CENPF: variants seen among roughly 807,000 people sequenced by gnomAD.
The protein encoded by CENPF is AH antigen.
In CENPF, 214 loss-of-function variants were observed where a neutral mutation model predicts 307.3. The observed-to-expected ratio is 0.70, with a 90% confidence interval of 0.62 to 0.78. The LOEUF is 0.78. Ranked by LOEUF, CENPF falls within the 30% of genes least tolerant of loss-of-function variation. CENPF has a pLI of 0.00. For synonymous variants in CENPF, 1,259 were observed against 1,270.6 expected (o/e 0.99, Z 0.19); for missense variants, 3,401 against 3,483.9 (o/e 0.98, Z 0.60).
intron 10 of CENPF, among the ~76,000 whole-genome samples, chr1:214,637,090 C>T (rs1657983825): frequency 1.3e-5 from 2 of 152,158 alleles, no homozygotes; most frequent in South Asian, 2.1e-4. Context: ...CATGCTGTTG[C>T]GTGGATGTCT....
intron 6 of CENPF, 67 bp from the exon 7 acceptor site, chr1:214,622,009 AATG>A: frequency 8.2e-7 from 1 of 1,220,702 alleles, no homozygotes; most frequent in Non-Finnish European, 1.2e-6. Flanking sequence ...GAATAAAACA[AATG>A]ATAAGTTATG....
intron 10 of CENPF, among the ~76,000 whole-genome samples, chr1:214,634,030 C>T (rs1366934458): frequency 6.6e-6 from 1 of 152,176 alleles, no homozygotes; most frequent in South Asian, 2.1e-4. Flanking sequence ...TTGGCCAAGT[C>T]GCAGTAGTGG....
intron 7 of CENPF, among the ~76,000 whole-genome samples, chr1:214,626,539 G>A (rs1055611451): frequency 7.9e-5 from 12 of 152,178 alleles, no homozygotes; most frequent in African/African-American, 2.4e-4. Flanking sequence ...TTTGATCCAT[G>A]CATTTAATAT....
At chr1:214,652,556 G>T (rs1331228313) in intron 15 of CENPF, among the ~76,000 whole-genome samples, 1 of 145,352 alleles carries the variant, frequency 6.9e-6, no homozygotes, top group Non-Finnish European at 1.5e-5. Flanking sequence ...CAATTCTCCT[G>T]TCTCAGCCTC....
intron 6 of CENPF, 35 bp downstream of exon 6, chr1:214,620,981 T>C (rs1419722687): frequency 6.4e-7 from 1 of 1,552,216 alleles, no homozygotes; most frequent in Admixed American, 2.0e-5. Flanking sequence ...AAATTCACTT[T>C]GCTTGAGGTA....
Position 214,622,198 on chromosome 1 carries a change from T to A in CENPF, c.985T>A (p.Leu329Ile). Residue 329 changes from leucine to isoleucine, a missense_variant, in exon 7 of 20, where the codon TTA (leucine) becomes ATA (isoleucine). Leu to Ile is a conservative substitution (Grantham distance 5, BLOSUM62 2). Transcript: ENST00000366955. ...CCAACTGGAGAAAGCAAAAGTGGAATTAATTGAAAAAGAGAAAGTTTTGAA... is the reference window on the plus strand; with the variant it reads ...CCAACTGGAGAAAGCAAAAGTGGAAATAATTGAAAAAGAGAAAGTTTTGAA... Reference protein sequence around the residue: ...QLQLEKAKVELIEKEKVLNKC... With the variant: ...QLQLEKAKVEIIEKEKVLNKC... 1 of 1,614,034 alleles carries A rather than the reference T, an allele frequency of 6.2e-7. No individual in the cohort carries two copies. The highest frequency in any genetic ancestry group is 8.5e-7 in the Non-Finnish European group (1 of 1,179,974).
chr1:214,616,837 CTTTCTTTCTTTCTTTCTT>C (rs1657355567), intron 3 of CENPF, among the ~76,000 whole-genome samples: 1 of 2,328 alleles, frequency 4.3e-4, no homozygotes, highest in African/African-American at 6.6e-4. Flanking sequence ...CTTCCTTCCT[CTTTCTTTCTTTCTTTCTT>C]TCTTTCTTTC....
intron 6 of CENPF, among the ~76,000 whole-genome samples, chr1:214,621,484 T>C (rs777063121): frequency 1.1e-4 from 17 of 152,220 alleles, no homozygotes; most frequent in Admixed American, 2.6e-4. Flanking sequence ...AGTGCTGTGA[T>C]ATATTGAAAA....
intron 16 of CENPF, 39 bp downstream of exon 16, chr1:214,653,028 T>TTA: frequency 6.5e-7 from 1 of 1,538,750 alleles, no homozygotes; most frequent in South Asian, 1.1e-5. Context: ...TTCGAATGGT[T>TTA]TATACAGGTG....
chr1:214,606,298 C>G (rs989042951), intron 1 of CENPF, among the ~76,000 whole-genome samples: 7 of 127,904 alleles, frequency 5.5e-5, no homozygotes, highest in African/African-American at 1.9e-4. Flanking sequence ...CGTTCCCTGG[C>G]GCTGCCGTTC....
intron 11 of CENPF, 96 bp from the exon 12 acceptor site, chr1:214,639,825 G>T: frequency 1.4e-6 from 1 of 723,836 alleles, no homozygotes. Flanking sequence ...TTGTTAGTTT[G>T]TTTGGATTTT....
intron 15 of CENPF, among the ~76,000 whole-genome samples, chr1:214,652,098 T>C (rs1352757579): frequency 6.9e-6 from 1 of 144,124 alleles, no homozygotes; most frequent in East Asian, 2.0e-4. Flanking sequence ...AGATGGGGTC[T>C]CTCTCTGTCG....
rs11307420 is a variant in CENPF at position 214,656,822 on chromosome 1, TA to T, written c.8486-100del. ...ATACAGATATATCTCCCCAACCTCT[TA>T]AAAAAAAAAATCAAAGAAAGAACAC... On this transcript the variant is annotated intron_variant, in intron 17 of 19. Transcript: ENST00000366955. 372,427 of 668,702 alleles carry T rather than the reference TA, an allele frequency of 0.56. 96,116 individuals are homozygous for T. Among genetic ancestry groups the T allele is most frequent in the East Asian group, 0.85 (29,607 of 34,928 alleles). 41.4% of individuals were successfully genotyped at this position (668,702 alleles called of 1,614,324 possible).
At chr1:214,658,675 T>C (rs1658710128) in intron 18 of CENPF, among the ~76,000 whole-genome samples, 175 bp from the exon 19 acceptor site, 1 of 152,164 alleles carries the variant, frequency 6.6e-6, no homozygotes, top group Non-Finnish European at 1.5e-5. Context: ...AGTTATTTGA[T>C]TCAATTTGGT....
intron 1 of CENPF, chr1:214,605,987 G>C: frequency 6.3e-7 from 1 of 1,597,204 alleles, no homozygotes; most frequent in Non-Finnish European, 8.5e-7. Flanking sequence ...CAGCACCACC[G>C]CGGCACACTC....
At chr1:214,658,658 C>T (rs1658709368) in intron 18 of CENPF, among the ~76,000 whole-genome samples, 192 bp from the exon 19 acceptor site, 1 of 152,036 alleles carries the variant, frequency 6.6e-6, no homozygotes, top group Admixed American at 6.6e-5. Flanking sequence ...AAGAGAAAAA[C>T]CTGTTAAGTT....
chr1:214,639,193 A>C (rs1462233916), intron 11 of CENPF, among the ~76,000 whole-genome samples: 1 of 152,192 alleles, frequency 6.6e-6, no homozygotes, highest in Non-Finnish European at 1.5e-5. Flanking sequence ...TCACTGTTTA[A>C]TGAAAACATC....
At chr1:214,660,890 A>G (rs1658772114) in intron 19 of CENPF, among the ~76,000 whole-genome samples, 1 of 152,240 alleles carries the variant, frequency 6.6e-6, no homozygotes, top group Non-Finnish European at 1.5e-5. Context: ...AGTGTCTGAC[A>G]TTCAACAAAT....
intron 17 of CENPF, among the ~76,000 whole-genome samples, chr1:214,655,632 G>A (rs1487610006): frequency 1.3e-5 from 2 of 152,016 alleles, no homozygotes; most frequent in Non-Finnish European, 2.9e-5. Context: ...GGATCTTGCT[G>A]TGTCACCCAG....
Sources: allele counts gnomAD v4.1 joint callset (sites outside exome capture counted in the v4.1 genomes callset), GRCh38; gene constraint gnomAD v4.1.1; transcripts MANE v1.5; gene names NCBI Gene and HGNC (gene_info 2026-07-23, HGNC 2026-07-21).